Variants in DLG2 observed in about 807,000 individuals in gnomAD.
DLG2 encodes the protein disks large homolog 2.
Under a neutral mutation model 132.5 loss-of-function variants are expected in DLG2, and 45 were observed. The ratio of observed to expected loss-of-function variants is 0.34; its 90% CI spans 0.27 to 0.44. The LOEUF is 0.44. DLG2 is among the 20% of genes least tolerant of loss of function. The pLI is 1.00. For missense variants in DLG2, 1,045 were observed against 1,196.9 expected, an observed-to-expected ratio of 0.87 and a Z score of 1.87; for synonymous variants, 424 against 419.6, an observed-to-expected ratio of 1.01 and a Z score of -0.13.
intron 21 of DLG2, among the ~76,000 whole-genome samples, chr11:83,488,508 G>GT (rs2093658734): frequency 6.6e-6 from 1 of 151,932 alleles, no homozygotes; most frequent in Non-Finnish European, 1.5e-5. Context: ...CAAATCTCAT[G>GT]TTTTTAAACA....
intron 3 of DLG2, among the ~76,000 whole-genome samples, chr11:85,496,341 C>A (rs2093667613): frequency 6.6e-6 from 1 of 152,184 alleles, no homozygotes; most frequent in African/African-American, 2.4e-5. Context: ...GGGAGCTTGG[C>A]AAAGGGAGGA....
chr11:84,633,620 A>G (rs1338510063), intron 6 of DLG2, among the ~76,000 whole-genome samples: 4 of 152,050 alleles, frequency 2.6e-5, no homozygotes, highest in Admixed American at 6.6e-5. Context: ...TATTTAAAAA[A>G]AAAAAAAGTT....
rs756922095 is a variant in DLG2 at position 84,059,473 on chromosome 11, C to T, written c.761G>A (p.Cys254Tyr). 1 of 1,594,184 alleles carries T rather than the reference C, an allele frequency of 6.3e-7. No individual in the cohort carries two copies. The highest frequency in any genetic ancestry group is 8.5e-7 in the Non-Finnish European group (1 of 1,170,768). Reference sequence around the variant, plus strand: ...ATCAACCTCATTCACCCGCAAGATACAATCATTGACCCTGCAAGGAAGGAA... The same window carrying T: ...ATCAACCTCATTCACCCGCAAGATATAATCATTGACCCTGCAAGGAAGGAA... ...AEDGRLRVND[C>Y]ILRVNEVDVS... The change falls in exon 11 of 28, where the codon TGT becomes TAT. Residue 254 changes from cysteine (C) to tyrosine (Y), a missense_variant. Cys to Tyr is a radical substitution (Grantham distance 194, BLOSUM62 -2). This residue lies in a region of DLG2 where 109 missense variants were observed against 159.1 expected (regional missense o/e 0.69). Coordinates refer to ENST00000376104, the MANE Select transcript of DLG2 (RefSeq NM_001142699.3).
chr11:84,930,555 T>A (rs972311617), intron 6 of DLG2, among the ~76,000 whole-genome samples: 10 of 152,034 alleles, frequency 6.6e-5, no homozygotes, highest in African/African-American at 2.4e-4. Context: ...CCTTCCTCCA[T>A]CCTCATTCCA....
intron 3 of DLG2, among the ~76,000 whole-genome samples, chr11:85,289,254 A>G (rs983763345): frequency 6.6e-6 from 1 of 151,976 alleles, no homozygotes; most frequent in Non-Finnish European, 1.5e-5. Flanking sequence ...TCACTTTCCA[A>G]GCATCTCTCT....
intron 7 of DLG2, chr11:84,273,063 A>T (rs1179479885): frequency 8.6e-7 from 1 of 1,159,544 alleles, no homozygotes; most frequent in East Asian, 2.9e-5. Flanking sequence ...AATGCACAGA[A>T]TTTATACATT....
At chr11:83,798,888 C>A (rs565896851) in intron 17 of DLG2, among the ~76,000 whole-genome samples, 2 of 152,340 alleles carry the variant, frequency 1.3e-5, no homozygotes, top group Non-Finnish European at 2.9e-5. Flanking sequence ...AATGTAAGTT[C>A]TGTTGCCAAC....
At chr11:83,859,023 C>A (rs1003310056) in intron 16 of DLG2, among the ~76,000 whole-genome samples, 1 of 152,214 alleles carries the variant, frequency 6.6e-6, no homozygotes, top group African/African-American at 2.4e-5. Context: ...TGCAATTCAT[C>A]TAAGATGTGA....
intron 5 of DLG2, among the ~76,000 whole-genome samples, chr11:85,141,711 CATTTTT>C (rs1346777069): frequency 1.3e-5 from 2 of 151,690 alleles, no homozygotes; most frequent in Admixed American, 1.3e-4. Context: ...ATCTTTAATC[CATTTTT>C]ATTTTATTTT....
chr11:84,859,090 C>A (rs1325900180), intron 6 of DLG2, among the ~76,000 whole-genome samples: 2 of 151,898 alleles, frequency 1.3e-5, no homozygotes, highest in Middle Eastern at 3.4e-3. Flanking sequence ...AGGACTCCTG[C>A]AGGGACTAAA....
chr11:85,412,760 C>CACACACATATATATATAT (rs756868795), intron 3 of DLG2, among the ~76,000 whole-genome samples: 3 of 113,242 alleles, frequency 2.6e-5, no homozygotes, highest in South Asian at 3.1e-4. Context: ...CACACACACA[C>CACACACATATATATATAT]ATATATATAT....
rs2078463118 is a variant in DLG2 at position 85,166,515 on chromosome 11, T to C, written c.187-11864A>G. Among the ~76,000 whole-genome samples the C allele has an allele frequency of 2.0e-5, 3 of 152,266 alleles. No individual in the cohort carries two copies. In the South Asian group the frequency reaches 6.2e-4, roughly 32 times the overall value. Reference sequence around the variant, plus strand: ...ATGACTCCCTCCTCCACACAGCCTGTGCTGATCCTCTTTCTTTATCCAGCT... The same window carrying C: ...ATGACTCCCTCCTCCACACAGCCTGCGCTGATCCTCTTTCTTTATCCAGCT... On this transcript the variant is annotated intron_variant, in intron 4 of 27. Coordinates refer to ENST00000376104, the MANE Select transcript of DLG2 (RefSeq NM_001142699.3).
At chr11:83,979,621 C>T (rs1033210009) in intron 12 of DLG2, among the ~76,000 whole-genome samples, 1 of 152,120 alleles carries the variant, frequency 6.6e-6, no homozygotes, top group South Asian at 2.1e-4. Flanking sequence ...CAATCACTGC[C>T]TAGGACTACT....
At chr11:85,109,283 G>A (rs929400732) in intron 6 of DLG2, among the ~76,000 whole-genome samples, 1 of 152,058 alleles carries the variant, frequency 6.6e-6, no homozygotes, top group African/African-American at 2.4e-5. Flanking sequence ...AAATAGCAAA[G>A]TAAATTTATG....
At chr11:83,650,654 C>T (rs1402087635) in intron 18 of DLG2, among the ~76,000 whole-genome samples, 4 of 152,204 alleles carry the variant, frequency 2.6e-5, no homozygotes, top group Admixed American at 6.5e-5. Flanking sequence ...TCTTTAAACA[C>T]GCCACCTGAA....
chr11:85,618,021 C>T (rs1357855410), intron 2 of DLG2, among the ~76,000 whole-genome samples: 2 of 152,140 alleles, frequency 1.3e-5, no homozygotes, highest in African/African-American at 2.4e-5. Flanking sequence ...TCAGGAGAAT[C>T]GTTTCATAAT....
chr11:84,176,042 T>C (rs117999963), intron 8 of DLG2, among the ~76,000 whole-genome samples: 1 of 152,156 alleles, frequency 6.6e-6, no homozygotes, highest in East Asian at 1.9e-4. Flanking sequence ...TATTTTCACA[T>C]ACATTATTGC....
chr11:85,482,135 T>A (rs1022390350), intron 3 of DLG2, among the ~76,000 whole-genome samples: 3 of 152,108 alleles, frequency 2.0e-5, no homozygotes, highest in African/African-American at 7.2e-5. Context: ...CCAAGCTGGA[T>A]GCCAAAGTCC....
intron 3 of DLG2, among the ~76,000 whole-genome samples, chr11:85,467,584 T>C (rs982466295): frequency 1.3e-5 from 2 of 152,220 alleles, no homozygotes; most frequent in African/African-American, 2.4e-5. Flanking sequence ...GTTTTTGTCA[T>C]TGGTTCTGTT....
Sources: gnomAD v4.1 joint callset for allele counts (sites outside exome capture counted in the v4.1 genomes callset) on GRCh38, gnomAD v4.1.1 for gene constraint, gnomAD v4.1.1 regional missense constraint, MANE v1.5 for transcripts, NCBI Gene and HGNC (gene_info 2026-07-23, HGNC 2026-07-21) for gene names.